The following DSCAM variants were observed in gnomAD, a reference collection of about 807,000 sequenced individuals.
DSCAM encodes DS cell adhesion molecule.
A neutral mutation model predicts 217.7 loss-of-function variants in DSCAM; 47 were observed. The ratio of observed to expected loss-of-function variants is 0.22; its 90% CI spans 0.17 to 0.28. The LOEUF is 0.28. Among genes scored for constraint, DSCAM ranks in the 10% least tolerant of loss-of-function variants. DSCAM has a pLI of 1.00. For missense variants in DSCAM, 2,080 were observed against 2,618.3 expected, an observed-to-expected ratio of 0.79 and a Z score of 4.49; for synonymous variants, 1,056 against 1,015.3, an observed-to-expected ratio of 1.04 and a Z score of -0.76.
intron 1 of DSCAM, among the ~76,000 whole-genome samples, chr21:40,720,644 T>C (rs1297251487): frequency 1.3e-5 from 2 of 151,772 alleles, no homozygotes; most frequent in Non-Finnish European, 2.9e-5. Flanking sequence ...GGATTTACTC[T>C]ATGTCTTCAC....
intron 1 of DSCAM, among the ~76,000 whole-genome samples, chr21:40,778,710 A>T (rs1319480882): frequency 6.6e-6 from 1 of 152,162 alleles, no homozygotes; most frequent in Non-Finnish European, 1.5e-5. Flanking sequence ...GTGTGAAAAG[A>T]AGTTCAGTAT....
intron 1 of DSCAM, among the ~76,000 whole-genome samples, chr21:40,721,526 T>C (rs1340359117): frequency 6.6e-6 from 1 of 152,060 alleles, no homozygotes; most frequent in Non-Finnish European, 1.5e-5. Context: ...AAATGTAATA[T>C]ATGAAATGAA....
rs11286508 is a variant in DSCAM, at chr21:40,179,184, CAAAAAAAAA to C, written c.2780-99_2780-91del. On this transcript the variant is annotated intron_variant, in intron 14 of 32. Coordinates refer to ENST00000400454, the MANE Select transcript of DSCAM (RefSeq NM_001389.5). ...AAGTTCACAAGTAGGAATTAAAAAC[CAAAAAAAAA>C]AAAAAAAAAAAAAAAAGACGGAAAG... 7.5e-3 allele frequency: 770 copies of C among 102,682 alleles called. 13 individuals carry two copies. Among genetic ancestry groups the C allele is most frequent in the African/African-American group, 0.038 (696 of 18,508 alleles). The allele number at this position is 102,682 out of a possible 1,614,324, so 6.4% of individuals were successfully genotyped here.
At chr21:40,518,656 GTA>G (rs1212267375) in intron 3 of DSCAM, among the ~76,000 whole-genome samples, 21 of 131,376 alleles carry the variant, frequency 1.6e-4, no homozygotes, top group Admixed American at 3.3e-4. Flanking sequence ...GTATATATGT[GTA>G]TATATATGTG....
chr21:40,128,223 G>A (rs1478352865), intron 19 of DSCAM, among the ~76,000 whole-genome samples: 1 of 147,980 alleles, frequency 6.8e-6, no homozygotes, highest in Non-Finnish European at 1.5e-5. Context: ...CCAGTATCTG[G>A]AACATACTAG....
chr21:40,313,674 T>C (rs2074165334), intron 8 of DSCAM, among the ~76,000 whole-genome samples: 2 of 152,176 alleles, frequency 1.3e-5, no homozygotes, highest in South Asian at 4.1e-4. Flanking sequence ...CCTTGCCCTT[T>C]TGGTCTTAGA....
At chr21:40,042,303 C>A (rs1007477148) in intron 32 of DSCAM, 68 bp downstream of exon 32, 22 of 1,539,176 alleles carry the variant, frequency 1.4e-5, no homozygotes, top group African/African-American at 6.8e-5. Flanking sequence ...GCTTTCACAG[C>A]AGATGAGGGA....
At chr21:40,570,737 G>A (rs2076799800) in intron 3 of DSCAM, among the ~76,000 whole-genome samples, 1 of 152,102 alleles carries the variant, frequency 6.6e-6, no homozygotes, top group African/African-American at 2.4e-5. Context: ...TATGATACTA[G>A]GTAGGAAGAA....
At chr21:40,790,255 C>T (rs1465539732) in intron 1 of DSCAM, among the ~76,000 whole-genome samples, 3 of 149,652 alleles carry the variant, frequency 2.0e-5, no homozygotes, top group East Asian at 3.9e-4. Context: ...AATCTCGGCT[C>T]ACTGCAACCT....
intron 1 of DSCAM, among the ~76,000 whole-genome samples, chr21:40,792,685 G>A (rs2091656575): frequency 6.6e-6 from 1 of 152,214 alleles, no homozygotes; most frequent in Non-Finnish European, 1.5e-5. Context: ...CTGGGATAAA[G>A]AGAATGGGGC....
chr21:40,174,584 G>A (rs2090701808), intron 15 of DSCAM, among the ~76,000 whole-genome samples: 1 of 150,532 alleles, frequency 6.6e-6, no homozygotes, highest in Non-Finnish European at 1.5e-5. Flanking sequence ...AGGTCTGTAG[G>A]TGAAGTTTGG....
intron 3 of DSCAM, among the ~76,000 whole-genome samples, chr21:40,476,817 AG>A (rs1024380990): frequency 3.9e-5 from 6 of 152,206 alleles, no homozygotes; most frequent in African/African-American, 1.4e-4. Context: ...ATGAGTGGAA[AG>A]TTCTCTACGT....
At chr21:40,267,271 T>C (rs1328930007) in intron 11 of DSCAM, among the ~76,000 whole-genome samples, 1 of 152,160 alleles carries the variant, frequency 6.6e-6, no homozygotes, top group African/African-American at 2.4e-5. Context: ...AACTTTTTTT[T>C]TTTTTATAAG....
rs993846314 is a variant in DSCAM at position 40,348,001 on chromosome 21, T to C, written c.935-56A>G. ...AGATAAAAACATCACTAGATAGCAT[T>C]TCGACAACAGGCTGGACTTTCAACA... On this transcript the variant is annotated intron_variant, in intron 5 of 32. Transcript: ENST00000400454. 3.9e-6 allele frequency: 6 copies of C among 1,543,106 alleles called. No individual in the cohort carries two copies. The Admixed American group carries it at 7.9e-5, about 20-fold the overall frequency.
At chr21:40,360,363 T>C (rs1364821299) in intron 4 of DSCAM, among the ~76,000 whole-genome samples, 3 of 151,964 alleles carry the variant, frequency 2.0e-5, no homozygotes, top group African/African-American at 7.3e-5. Flanking sequence ...CTCTATCTCC[T>C]GACCTTGTGA....
chr21:40,398,137 G>A (rs2123768684), intron 3 of DSCAM, among the ~76,000 whole-genome samples: 1 of 152,258 alleles, frequency 6.6e-6, no homozygotes, highest in African/African-American at 2.4e-5. Flanking sequence ...CCCTGGTCCT[G>A]GGCCTGTCTA....
At chr21:40,237,718 G>C (rs1177217441) in intron 11 of DSCAM, among the ~76,000 whole-genome samples, 3 of 152,114 alleles carry the variant, frequency 2.0e-5, no homozygotes, top group African/African-American at 4.8e-5. Flanking sequence ...ATAATCCTTT[G>C]GGTATGTACC....
chr21:40,312,690 T>C (rs1378774541), intron 8 of DSCAM, among the ~76,000 whole-genome samples: 2 of 152,218 alleles, frequency 1.3e-5, no homozygotes, highest in Non-Finnish European at 2.9e-5. Context: ...CTTCAAAGCC[T>C]TTTAAAATGA....
chr21:40,488,828 T>C (rs556428690), intron 3 of DSCAM, among the ~76,000 whole-genome samples: 1 of 152,308 alleles, frequency 6.6e-6, no homozygotes, highest in South Asian at 2.1e-4. Flanking sequence ...ACAATTTAAA[T>C]TCTAGTTATT....
Sources: gnomAD v4.1 joint callset for allele counts (sites outside exome capture counted in the v4.1 genomes callset) on GRCh38, gnomAD v4.1.1 for gene constraint, MANE v1.5 for transcripts, NCBI Gene and HGNC (gene_info 2026-07-23, HGNC 2026-07-21) for gene names.